Variants in TACR1 observed in about 807,000 individuals in gnomAD.
TACR1 encodes substance-P receptor.
Under a neutral mutation model 35.8 loss-of-function variants are expected in TACR1, and 25 were observed. The ratio of observed to expected loss-of-function variants is 0.70; its 90% CI spans 0.51 to 0.98. TACR1 has a LOEUF of 0.98. Among genes scored for constraint, TACR1 ranks in the 50% least tolerant of loss-of-function variants. TACR1 has a pLI of 0.00. For synonymous variants in TACR1, 195 were observed against 206.7 expected (o/e 0.94, Z 0.48); for missense variants, 478 against 522.9 (o/e 0.91, Z 0.84).
In TACR1 at chr2:75,136,766, G is replaced by T. The variant is rs559069509; in HGVS notation, c.390-15998C>A. 4.6e-5 allele frequency among the ~76,000 whole-genome samples: 7 copies of T among 152,244 alleles called. No homozygotes were observed. The South Asian group carries it at 1.4e-3, about 32-fold the overall frequency. On this transcript the variant is annotated intron_variant, in intron 1 of 4. Coordinates refer to ENST00000305249, the MANE Select transcript of TACR1 (RefSeq NM_001058.4). ...TAAGAAATTGTAATTGTTATGTGAG[G>T]CATTGTTAGGAGTCTCACCAAACAG... is the stretch of plus-strand genomic sequence containing the variant.
intron 1 of TACR1, among the ~76,000 whole-genome samples, chr2:75,161,129 T>C (rs1674999268): frequency 6.6e-6 from 1 of 151,938 alleles, no homozygotes; most frequent in Admixed American, 6.6e-5. Context: ...ACAATACCAT[T>C]CCTGGAAAAA....
At chr2:75,130,521 A>G (rs111941771) in intron 1 of TACR1, among the ~76,000 whole-genome samples, 3 of 152,354 alleles carry the variant, frequency 2.0e-5, no homozygotes, top group African/African-American at 7.2e-5. Context: ...GTGTAAATCC[A>G]CAACTGTTTA....
intron 1 of TACR1, among the ~76,000 whole-genome samples, chr2:75,161,334 A>G (rs1000842355): frequency 1.3e-5 from 2 of 152,118 alleles, no homozygotes; most frequent in African/African-American, 4.8e-5. Flanking sequence ...TACAAATGTC[A>G]AAAATAGCTC....
intron 2 of TACR1, among the ~76,000 whole-genome samples, chr2:75,084,047 G>A (rs1673143345): frequency 6.6e-6 from 1 of 152,218 alleles, no homozygotes; most frequent in Admixed American, 6.5e-5. Context: ...CATTCAGTAT[G>A]CTATTGGCTG....
At chr2:75,094,861 T>TATATATATATATATA (rs1558551241) in intron 2 of TACR1, among the ~76,000 whole-genome samples, 67 of 60,682 alleles carry the variant, frequency 1.1e-3, no homozygotes, top group African/African-American at 6.4e-3. Context: ...ATATATATAT[T>TATATATATATATATA]TTTTTTTTTT....
intron 1 of TACR1, 86 bp from the exon 2 acceptor site, chr2:75,120,854 A>G (rs1673956205): frequency 2.7e-6 from 3 of 1,092,618 alleles, no homozygotes; most frequent in Non-Finnish European, 3.8e-6. Flanking sequence ...CAATAAGAAA[A>G]TTCATAGAAA....
intron 1 of TACR1, among the ~76,000 whole-genome samples, chr2:75,163,494 A>G (rs925432511): frequency 1.4e-4 from 21 of 152,196 alleles, no homozygotes; most frequent in Non-Finnish European, 1.0e-4. Flanking sequence ...ATGCAATTCT[A>G]AATGGATTGC....
At chr2:75,153,076 A>G (rs966258287) in intron 1 of TACR1, among the ~76,000 whole-genome samples, 2 of 151,792 alleles carry the variant, frequency 1.3e-5, no homozygotes, top group Non-Finnish European at 2.9e-5. Flanking sequence ...TAATTTTTGT[A>G]TTTTTTAGTA....
chr2:75,145,167 A>G (rs990134512), intron 1 of TACR1, among the ~76,000 whole-genome samples: 9 of 152,132 alleles, frequency 5.9e-5, no homozygotes, highest in African/African-American at 2.2e-4. Context: ...ATTTCTTTGG[A>G]TGACTAAAAG....
chr2:75,183,757 G>A (rs918123817), intron 1 of TACR1, among the ~76,000 whole-genome samples: 2 of 152,176 alleles, frequency 1.3e-5, no homozygotes, highest in African/African-American at 4.8e-5. Flanking sequence ...TAAGCTGAGG[G>A]AGTAAAATCC....
chr2:75,052,371 G>A (rs1672486007), intron 3 of TACR1, among the ~76,000 whole-genome samples: 1 of 152,164 alleles, frequency 6.6e-6, no homozygotes, highest in Non-Finnish European at 1.5e-5. Flanking sequence ...CTAGAGCTGT[G>A]AGAAATCAAT....
intron 3 of TACR1, among the ~76,000 whole-genome samples, chr2:75,052,386 A>G (rs901538631): frequency 6.6e-6 from 1 of 152,156 alleles, no homozygotes; most frequent in African/African-American, 2.4e-5. Flanking sequence ...ATCAATTTCT[A>G]TTTTTTATAA....
chr2:75,176,998 C>T (rs1675435707), intron 1 of TACR1, among the ~76,000 whole-genome samples: 1 of 152,164 alleles, frequency 6.6e-6, no homozygotes, highest in Admixed American at 6.5e-5. Flanking sequence ...TTTTCACTGC[C>T]TCAAACTTGG....
At chr2:75,093,407 C>T (rs1395451030) in intron 2 of TACR1, among the ~76,000 whole-genome samples, 1 of 152,198 alleles carries the variant, frequency 6.6e-6, no homozygotes, top group East Asian at 1.9e-4. Flanking sequence ...AGATTTTCTC[C>T]ATCAGTCAAC....
intron 1 of TACR1, among the ~76,000 whole-genome samples, chr2:75,171,060 G>A (rs1377646359): frequency 6.6e-6 from 1 of 152,156 alleles, no homozygotes; most frequent in Non-Finnish European, 1.5e-5. Flanking sequence ...CAGGACAATG[G>A]GGAAAATGTC....
chr2:75,112,118 A>G (rs1443508474), intron 2 of TACR1, among the ~76,000 whole-genome samples: 2 of 152,022 alleles, frequency 1.3e-5, no homozygotes, highest in Non-Finnish European at 2.9e-5. Flanking sequence ...AATAATCCTT[A>G]CAAATTTGAC....
intron 1 of TACR1, among the ~76,000 whole-genome samples, chr2:75,128,925 T>C (rs1279111930): frequency 6.6e-6 from 1 of 152,106 alleles, no homozygotes; most frequent in Non-Finnish European, 1.5e-5. Context: ...AGGCTGATGC[T>C]ACTGGGACAA....
chr2:75,175,695 C>A (rs1049381419), intron 1 of TACR1, among the ~76,000 whole-genome samples: 2 of 152,062 alleles, frequency 1.3e-5, no homozygotes, highest in Admixed American at 1.3e-4. Flanking sequence ...TACATTGAGC[C>A]CACCCAGAAT....
chr2:75,115,062 A>C (rs1368546336), intron 2 of TACR1, among the ~76,000 whole-genome samples: 1 of 147,974 alleles, frequency 6.8e-6, no homozygotes, highest in African/African-American at 2.5e-5. Flanking sequence ...TAAATTTTCA[A>C]AGGAGGGGAT....
Sources: gnomAD v4.1 joint callset for allele counts (sites outside exome capture counted in the v4.1 genomes callset) on GRCh38, gnomAD v4.1.1 for gene constraint, MANE v1.5 for transcripts, NCBI Gene and HGNC (gene_info 2026-07-23, HGNC 2026-07-21) for gene names.